Variants in CEP192 observed in about 807,000 individuals in gnomAD.
CEP192 encodes centrosomal protein of 192 kDa.
Under a neutral mutation model 271.8 loss-of-function variants are expected in CEP192, and 151 were observed. That is an observed-to-expected ratio of 0.56 (90% CI 0.49 to 0.64). The LOEUF is 0.64. Ranked by LOEUF, CEP192 falls within the 30% of genes least tolerant of loss-of-function variation. CEP192 has a pLI of 0.00. For synonymous variants in CEP192, 995 were observed against 1,076.5 expected (o/e 0.92, Z 1.48); for missense variants, 2,910 against 3,020.5 (o/e 0.96, Z 0.86).
Position 13,113,577 on chromosome 18 carries a change from AT to A in CEP192, c.7048-6del, listed in dbSNP as rs1309816043. 1.2e-6 allele frequency: 2 copies of A among 1,612,516 alleles called. No individual in the cohort carries two copies. The highest frequency in any genetic ancestry group is 2.7e-5 in the African/African-American group (2 of 74,852). On this transcript the variant is annotated splice_region_variant and splice_polypyrimidine_tract_variant and intron_variant, in intron 40 of 44. Coordinates refer to ENST00000506447, the MANE Select transcript of CEP192 (RefSeq NM_032142.4). The stretch of plus-strand genomic sequence containing the variant: ...GTGTCTAAATTTCTCTTCTGTATGT[AT>A]TTCGTAGGTCTCCATCACATTTTTG...
At position 13,089,531 on chromosome 18, in the gene CEP192, T is replaced by G. The variant is rs773490287; in HGVS notation, c.6069T>G (p.Val2023=). The G allele has an allele frequency of 1.9e-6, 3 of 1,600,312 alleles. No individual in the cohort carries two copies. In the South Asian group the frequency reaches 3.3e-5, roughly 18 times the overall value. The change falls in exon 33 of 45, where the codon GTT becomes GTG. Residue 2023 remains valine, a synonymous_variant. Coordinates refer to ENST00000506447, the MANE Select transcript of CEP192 (RefSeq NM_032142.4). ...EHSVLQNINF[V]EAFQDELLVT... The stretch of plus-strand genomic sequence containing the variant: ...GTGTGCTTCAAAACATTAATTTTGT[T>G]GAAGCATTTCAAGATGAGCTATTAG...
chr18:13,076,937 C>T (rs1026805853), intron 30 of CEP192, among the ~76,000 whole-genome samples: 50 of 152,094 alleles, frequency 3.3e-4, no homozygotes, highest in African/African-American at 1.2e-3. Context: ...GCACCCGTCA[C>T]CACACCCGGC....
At chr18:13,052,431 T>C (rs1628961) in intron 17 of CEP192, among the ~76,000 whole-genome samples, 5,193 of 152,310 alleles carry the variant, frequency 0.034, 296 homozygotes, top group African/African-American at 0.12. Flanking sequence ...TAATTTTTTT[T>C]CTCAGGATAA....
intron 15 of CEP192, among the ~76,000 whole-genome samples, chr18:13,045,516 T>C (rs954692307): frequency 6.6e-6 from 1 of 152,218 alleles, no homozygotes; most frequent in Admixed American, 6.5e-5. Flanking sequence ...GTAGGGAATG[T>C]CTGTTATGTG....
intron 3 of CEP192, among the ~76,000 whole-genome samples, chr18:13,005,602 T>C (rs1216225469): frequency 6.6e-6 from 1 of 152,146 alleles, no homozygotes; most frequent in African/African-American, 2.4e-5. Flanking sequence ...AGGTGGAGTC[T>C]TAGACTCAGT....
intron 9 of CEP192, among the ~76,000 whole-genome samples, chr18:13,023,509 G>T (rs1377068617): frequency 4.7e-5 from 7 of 149,816 alleles, no homozygotes; most frequent in African/African-American, 1.7e-4. Context: ...TGATATGATC[G>T]CATGATTTTG....
rs149803958 is a variant in CEP192, at chr18:13,057,705, T to A, written c.4229T>A (p.Val1410Asp). 2 of 1,614,024 alleles carry A rather than the reference T, an allele frequency of 1.2e-6. No individual in the cohort carries two copies. Among genetic ancestry groups the A allele is most frequent in the Non-Finnish European group, 1.7e-6 (2 of 1,179,962 alleles). The change falls in exon 20 of 45, where the codon GTC (valine) becomes GAC (aspartate). Residue 1410 changes from valine to aspartate, a missense_variant. By Grantham distance (152) the Val-to-Asp change is radical (BLOSUM62 -3). Transcript: ENST00000506447. Reference protein sequence around the residue: ...TDRWLQVSIGVLSISVNGEKV... With the variant: ...TDRWLQVSIGDLSISVNGEKV... ...CGCTGGCTGCAAGTCAGCATTGGGG[T>A]CCTCAGCATTAGTGTTAATGGTGAA...
chr18:13,024,923 C>T (rs1437200782), intron 9 of CEP192, among the ~76,000 whole-genome samples: 1 of 151,856 alleles, frequency 6.6e-6, no homozygotes, highest in Non-Finnish European at 1.5e-5. Flanking sequence ...TTGTGCGCCA[C>T]CCCACCTGGC....
intron 34 of CEP192, among the ~76,000 whole-genome samples, chr18:13,094,929 T>C (rs954069792): frequency 2.0e-5 from 3 of 152,230 alleles, no homozygotes; most frequent in African/African-American, 7.2e-5. Context: ...TTTTAACTAA[T>C]CTTCCCATTG....
chr18:13,085,893 A>G (rs1228906146), intron 30 of CEP192, among the ~76,000 whole-genome samples: 1 of 152,016 alleles, frequency 6.6e-6, no homozygotes. Context: ...TTTTGGTTCC[A>G]TATGAACTTT....
At position 13,092,494 on chromosome 18, in the gene CEP192, A is replaced by T. The variant is rs1381520946; in HGVS notation, c.6221A>T (p.Gln2074Leu). 1 of 1,609,062 alleles carries T rather than the reference A, an allele frequency of 6.2e-7. No homozygotes were observed. Among genetic ancestry groups the T allele is most frequent in the Admixed American group, 1.7e-5 (1 of 59,060 alleles). ...RDCISSREFL[Q>L]PSSKASLEST... ...TGCATTTCTAGCAGAGAATTCCTTC[A>T]GCCTTCTTCCAAAGCTAGCTTGGAA... is the stretch of plus-strand genomic sequence containing the variant. Residue 2074 changes from glutamine (Q) to leucine (L), a missense_variant, in exon 34 of 45, where the codon CAG becomes CTG. Gln to Leu is a moderately radical substitution (Grantham distance 113). Transcript: ENST00000506447.
At position 12,997,724 on chromosome 18, in the gene CEP192, GTTC is replaced by G. The variant is rs556518976; in HGVS notation, c.-4-1691_-4-1689del. On this transcript the variant is annotated intron_variant, in intron 1 of 44. Transcript: ENST00000506447. Reference sequence around the variant, plus strand: ...TTAACTCCTATTCCAAAACAAGTAAGTTCTTCTTATTTTTGGGGGGGATAGAGT... The same window carrying G: ...TTAACTCCTATTCCAAAACAAGTAAGTTCTTATTTTTGGGGGGGATAGAGT... Among the ~76,000 whole-genome samples the G allele has an allele frequency of 1.5e-3, 222 of 152,194 alleles. 1 individual carries two copies. The Middle Eastern group carries it at 0.02, about 14-fold the overall frequency.
intron 13 of CEP192, 79 bp from the exon 14 acceptor site, chr18:13,040,751 C>T: frequency 8.8e-7 from 1 of 1,130,622 alleles, no homozygotes; most frequent in Non-Finnish European, 1.2e-6. Context: ...GCTGTTTTAC[C>T]ACTATTAGAT....
chr18:13,096,450 G>A (rs1949266738), intron 36 of CEP192, 143 bp downstream of exon 36: 2 of 1,069,360 alleles, frequency 1.9e-6, no homozygotes, highest in Admixed American at 2.8e-5. Flanking sequence ...GCATGGTTCT[G>A]CAGGTCAGCT....
chr18:13,105,720 C>A (rs1484192982), intron 40 of CEP192, among the ~76,000 whole-genome samples: 1 of 152,188 alleles, frequency 6.6e-6, no homozygotes, highest in African/African-American at 2.4e-5. Context: ...GTATAACAGG[C>A]TTTCAGAGGG....
chr18:13,020,084 T>C (rs1407076863), intron 9 of CEP192, among the ~76,000 whole-genome samples: 1 of 152,212 alleles, frequency 6.6e-6, no homozygotes, highest in Non-Finnish European at 1.5e-5. Flanking sequence ...TTGCTGGGAT[T>C]ACAGGAGTGA....
rs777669309 is a variant in CEP192, at chr18:13,008,492, A to G, written c.327A>G (p.Gln109=). ...ISRKKSYVES[Q]RLSNALSKQS... is the part of the protein sequence containing the mutation. ...GGAAAAAGAGCTATGTGGAAAGTCA[A>G]CGTTTGTCAAATGCTCTCAGCAAAC... Residue 109 remains glutamine, a synonymous_variant, in exon 4 of 45, where the codon CAA becomes CAG. Coordinates refer to ENST00000506447, the MANE Select transcript of CEP192 (RefSeq NM_032142.4). 1.2e-5 allele frequency: 18 copies of G among 1,550,878 alleles called. No individual in the cohort carries two copies. The East Asian group carries it at 2.4e-4, about 21-fold the overall frequency.
At chr18:13,000,931 CG>C (rs1315896978) in intron 2 of CEP192, among the ~76,000 whole-genome samples, 1 of 152,172 alleles carries the variant, frequency 6.6e-6, no homozygotes, top group African/African-American at 2.4e-5. Context: ...CCAGCCTGGA[CG>C]ACAGAGGGAG....
chr18:13,023,280 G>A (rs1275153259), intron 9 of CEP192, among the ~76,000 whole-genome samples: 1 of 152,056 alleles, frequency 6.6e-6, no homozygotes, highest in African/African-American at 2.4e-5. Flanking sequence ...CTTATAGTAT[G>A]ATGTTGAAAA....
Sources: allele counts gnomAD v4.1 joint callset (sites outside exome capture counted in the v4.1 genomes callset), GRCh38; gene constraint gnomAD v4.1.1; transcripts MANE v1.5; gene names NCBI Gene and HGNC (gene_info 2026-07-23, HGNC 2026-07-21).